PRKN: variants seen among roughly 807,000 people sequenced by gnomAD.
The protein encoded by PRKN is parkin RBR E3 ubiquitin protein ligase, also known as E3 ubiquitin-protein ligase parkin.
Under a neutral mutation model 59.5 loss-of-function variants are expected in PRKN, and 56 were observed. That is an observed-to-expected ratio of 0.94 (90% CI 0.76 to 1.18). The LOEUF (loss-of-function observed/expected upper bound fraction) is 1.18. Among genes scored for constraint, PRKN ranks in the 50% most tolerant of loss-of-function variants. The pLI is 0.00. For synonymous variants in PRKN, 250 were observed against 222.1 expected (o/e 1.13, Z -1.12); for missense variants, 657 against 596.4 (o/e 1.10, Z -1.06).
rs115593308 is a variant in PRKN, at chr6:162,305,392, A to T, written c.172-42627T>A. 1.7e-3 allele frequency among the ~76,000 whole-genome samples: 257 copies of T among 149,258 alleles called. 4 individuals carry two copies. The highest frequency in any genetic ancestry group is 6.1e-3 in the African/African-American group (247 of 40,266). On this transcript the variant is annotated intron_variant, in intron 2 of 11. Coordinates refer to ENST00000366898, the MANE Select transcript of PRKN (RefSeq NM_004562.3). ...TTCCCCATTCTACCTCTAATTTTTT[A>T]AAAAAATTATCATTGCTTTTTTTTT...
chr6:161,350,020 G>T lies in PRKN; in HGVS notation c.*79C>A. On this transcript the variant is annotated 3_prime_UTR_variant, in exon 12 of 12. Transcript: ENST00000366898. ...CGCGCGCGCGTGTGTGTGTGTGTTT[G>T]AAAAGAGAATTAGAAAATGAAGGTA... is the stretch of plus-strand genomic sequence containing the variant. The T allele has an allele frequency of 2.1e-6, 2 of 968,714 alleles. No homozygotes were observed. Among genetic ancestry groups the T allele is most frequent in the Non-Finnish European group, 1.6e-6 (1 of 612,722 alleles). The allele number at this position is 968,714 out of a possible 1,614,324, so 60.0% of individuals were successfully genotyped here.
At chr6:162,204,277 C>A (rs1263111879) in intron 3 of PRKN, among the ~76,000 whole-genome samples, 1 of 152,090 alleles carries the variant, frequency 6.6e-6, no homozygotes, top group Non-Finnish European at 1.5e-5. Context: ...GGGATTCTCT[C>A]GTCAAACCAA....
intron 5 of PRKN, among the ~76,000 whole-genome samples, chr6:161,977,503 T>C (rs1781075609): frequency 6.6e-6 from 1 of 151,694 alleles, no homozygotes; most frequent in Non-Finnish European, 1.5e-5. Flanking sequence ...CCTTTTGATC[T>C]GGAGAGAAAC....
At chr6:161,962,442 T>TGG (rs1780414834) in intron 6 of PRKN, among the ~76,000 whole-genome samples, 1 of 151,932 alleles carries the variant, frequency 6.6e-6, no homozygotes, top group Non-Finnish European at 1.5e-5. Context: ...TTAAACACTG[T>TGG]GGGTATTTCT....
intron 7 of PRKN, among the ~76,000 whole-genome samples, chr6:161,607,808 T>C (rs1422090217): frequency 6.6e-6 from 1 of 152,146 alleles, no homozygotes; most frequent in African/African-American, 2.4e-5. Flanking sequence ...GGAGCCACTG[T>C]ATAAGTAGGC....
chr6:162,688,147 T>A (rs1012904990), intron 1 of PRKN, among the ~76,000 whole-genome samples: 1 of 152,204 alleles, frequency 6.6e-6, no homozygotes, highest in Non-Finnish European at 1.5e-5. Context: ...ATGGTACTGC[T>A]TTATATATGG....
intron 2 of PRKN, among the ~76,000 whole-genome samples, chr6:162,308,104 G>T (rs567372302): frequency 4.3e-4 from 66 of 152,220 alleles, no homozygotes; most frequent in Admixed American, 1.5e-3. Context: ...CTTCTTCACC[G>T]TCACTGCTAC....
intron 1 of PRKN, among the ~76,000 whole-genome samples, chr6:162,698,274 G>T (rs1778033838): frequency 7.0e-6 from 1 of 142,960 alleles, no homozygotes; most frequent in African/African-American, 2.6e-5. Flanking sequence ...GTGGCAATGT[G>T]CCTAGATTTT....
At chr6:161,719,041 C>T (rs549407297) in intron 7 of PRKN, among the ~76,000 whole-genome samples, 5 of 152,180 alleles carry the variant, frequency 3.3e-5, no homozygotes, top group East Asian at 1.9e-4. Flanking sequence ...CTTATTTGCT[C>T]GCTGTTTAAT....
chr6:162,586,245 T>A (rs920114068), intron 1 of PRKN, among the ~76,000 whole-genome samples: 1 of 152,212 alleles, frequency 6.6e-6, no homozygotes, highest in African/African-American at 2.4e-5. Flanking sequence ...TAATGCAACG[T>A]ACCTCCTTCT....
Position 161,440,121 on chromosome 6 carries a change from T to C in PRKN, c.1084-53244A>G, listed in dbSNP as rs1469356849. 7.2e-5 allele frequency among the ~76,000 whole-genome samples: 11 copies of C among 151,980 alleles called. No individual in the cohort carries two copies. The highest frequency in any genetic ancestry group is 1.3e-4 in the Admixed American group (2 of 15,262). On this transcript the variant is annotated intron_variant, in intron 9 of 11. Transcript: ENST00000366898. The surrounding 1 kb of genome is among the most constrained non-coding windows in gnomAD (Gnocchi z 4.1). ...GCCCACCACCACGCCCGGCTAATTT[T>C]TTTTGGTATTTTTAGTAGAGACGGG...
chr6:161,510,901 AC>A (rs1018977906), intron 9 of PRKN, among the ~76,000 whole-genome samples: 1 of 152,168 alleles, frequency 6.6e-6, no homozygotes, highest in Non-Finnish European at 1.5e-5. Context: ...GAGGGTGTTG[AC>A]CGTATTGAGC....
In PRKN at chr6:161,497,634, A is replaced by G. The variant is rs1334948047; in HGVS notation, c.1083+51220T>C. Among the ~76,000 whole-genome samples the G allele has an allele frequency of 6.6e-6, 1 of 151,990 alleles. No homozygotes were observed. The highest frequency in any genetic ancestry group is 1.5e-5 in the Non-Finnish European group (1 of 68,016). ...TTACAGACTGAATACTTTGCACCAC[A>G]AAGTATTTTCAGCTGCTCTTCTCGC... is the stretch of plus-strand genomic sequence containing the variant. On this transcript the variant is annotated intron_variant, in intron 9 of 11. Transcript: ENST00000366898. The surrounding 1 kb of genome is among the most constrained non-coding windows in gnomAD (Gnocchi z 4.6).
intron 6 of PRKN, among the ~76,000 whole-genome samples, chr6:161,891,564 T>C (rs1443778724): frequency 2.0e-5 from 3 of 152,126 alleles, no homozygotes; most frequent in African/African-American, 7.2e-5. Context: ...AGCAAGTTTG[T>C]TTTTAGAGTG....
intron 2 of PRKN, among the ~76,000 whole-genome samples, chr6:162,308,300 G>A (rs1782324122): frequency 6.6e-6 from 1 of 152,028 alleles, no homozygotes. Context: ...GTCAAAAATA[G>A]AAGGGGAAAA....
chr6:161,631,794 C>CA (rs56682409), intron 7 of PRKN, among the ~76,000 whole-genome samples: 4 of 120,174 alleles, frequency 3.3e-5, no homozygotes, highest in African/African-American at 5.3e-5. Flanking sequence ...CACACACACA[C>CA]CCCACACACA....
intron 2 of PRKN, among the ~76,000 whole-genome samples, chr6:162,352,844 C>A (rs1784679330): frequency 6.6e-6 from 1 of 152,040 alleles, no homozygotes; most frequent in South Asian, 2.1e-4. Flanking sequence ...TTAAAAGTAT[C>A]CATTTTTCCC....
At chr6:161,760,413 T>A (rs1239745584) in intron 7 of PRKN, among the ~76,000 whole-genome samples, 1 of 151,586 alleles carries the variant, frequency 6.6e-6, no homozygotes, top group Non-Finnish European at 1.5e-5. Flanking sequence ...AAAGACCCTT[T>A]TTTTCAAGCC....
At chr6:162,235,072 T>C (rs2128087687) in intron 3 of PRKN, among the ~76,000 whole-genome samples, 1 of 152,346 alleles carries the variant, frequency 6.6e-6, no homozygotes, top group South Asian at 2.1e-4. Flanking sequence ...ATTAGTATGT[T>C]ATTTTTCTTA....
Sources: gnomAD v4.1 joint callset for allele counts (sites outside exome capture counted in the v4.1 genomes callset) on GRCh38, gnomAD v4.1.1 for gene constraint, Gnocchi (gnomAD v3.1) non-coding constraint, MANE v1.5 for transcripts, NCBI Gene and HGNC (gene_info 2026-07-23, HGNC 2026-07-21) for gene names.